The following WDFY2 variants were observed in gnomAD, a reference collection of about 807,000 sequenced individuals.
WDFY2 encodes WD repeat and FYVE domain containing 2, also known as WD repeat and FYVE domain-containing protein 2.
In WDFY2, 36 loss-of-function variants were observed where a neutral mutation model predicts 56.4. That is an observed-to-expected ratio of 0.64 (90% confidence interval 0.49 to 0.84). The LOEUF (loss-of-function observed/expected upper bound fraction) is 0.84, where lower values mean the gene tolerates loss of function less well. Ranked by LOEUF, WDFY2 falls within the 40% of genes least tolerant of loss-of-function variation. The probability of loss-of-function intolerance (pLI) is 0.00; values close to 1 mark genes in which losing one functional copy is unlikely to be tolerated. For missense variants in WDFY2, 444 were observed against 512.2 expected (o/e 0.87, Z 1.29); for synonymous variants, 176 against 183.7 (o/e 0.96, Z 0.34).
chr13:51,646,090 T>C (rs1458389771), intron 1 of WDFY2, among the ~76,000 whole-genome samples: 1 of 152,220 alleles, frequency 6.6e-6, no homozygotes, highest in African/African-American at 2.4e-5. Flanking sequence ...TTCATCCTTT[T>C]TTACTTGGTT....
chr13:51,652,781 G>A (rs1955421327), intron 1 of WDFY2, among the ~76,000 whole-genome samples: 1 of 152,238 alleles, frequency 6.6e-6, no homozygotes, highest in Non-Finnish European at 1.5e-5. Flanking sequence ...TCCGCTGTTA[G>A]TCTGATGGGC....
intron 9 of WDFY2, among the ~76,000 whole-genome samples, chr13:51,755,994 G>A (rs1953368066): frequency 6.6e-6 from 1 of 151,790 alleles, no homozygotes; most frequent in Non-Finnish European, 1.5e-5. Context: ...ATAATCTCCT[G>A]AGACGGCAGT....
intron 3 of WDFY2, among the ~76,000 whole-genome samples, chr13:51,680,932 G>A (rs1002987741): frequency 3.3e-5 from 5 of 152,184 alleles, no homozygotes; most frequent in Non-Finnish European, 5.9e-5. Flanking sequence ...ATTCACTAGT[G>A]AATTAGGAAG....
At chr13:51,729,107 G>A (rs947093365) in intron 6 of WDFY2, among the ~76,000 whole-genome samples, 1 of 152,116 alleles carries the variant, frequency 6.6e-6, no homozygotes, top group Non-Finnish European at 1.5e-5. Context: ...TCAGTTCTGT[G>A]AATGTAAATG....
At chr13:51,703,937 G>C (rs1445139718) in intron 4 of WDFY2, among the ~76,000 whole-genome samples, 1 of 152,168 alleles carries the variant, frequency 6.6e-6, no homozygotes, top group Non-Finnish European at 1.5e-5. Context: ...ACGTACAGCA[G>C]GTTTAGAAAG....
intron 1 of WDFY2, among the ~76,000 whole-genome samples, chr13:51,635,151 C>T (rs1477256053): frequency 6.6e-6 from 1 of 151,920 alleles, no homozygotes; most frequent in Non-Finnish European, 1.5e-5. Context: ...ACCATGTTGG[C>T]GAGGCTGGTC....
intron 1 of WDFY2, among the ~76,000 whole-genome samples, chr13:51,606,949 T>G (rs1954394891): frequency 6.6e-6 from 1 of 152,190 alleles, no homozygotes; most frequent in Non-Finnish European, 1.5e-5. Context: ...CAGTATCCCT[T>G]CAGTACCAGC....
chr13:51,757,795 C>T (rs1371868055), intron 10 of WDFY2, among the ~76,000 whole-genome samples: 1 of 149,972 alleles, frequency 6.7e-6, no homozygotes, highest in Admixed American at 6.7e-5. Flanking sequence ...TAGAATGACA[C>T]TTAGTAATAT....
chr13:51,596,293 T>C (rs1002725692), intron 1 of WDFY2, among the ~76,000 whole-genome samples: 1 of 152,220 alleles, frequency 6.6e-6, no homozygotes, highest in Non-Finnish European at 1.5e-5. Context: ...GCATGCATAG[T>C]TAGCTGAATT....
At chr13:51,627,711 G>C (rs1954864110) in intron 1 of WDFY2, among the ~76,000 whole-genome samples, 1 of 152,094 alleles carries the variant, frequency 6.6e-6, no homozygotes, top group Non-Finnish European at 1.5e-5. Context: ...CCCATGTCCA[G>C]GAAGAATGAG....
intron 2 of WDFY2, among the ~76,000 whole-genome samples, chr13:51,667,918 G>A (rs1955740595): frequency 2.3e-5 from 2 of 88,110 alleles, no homozygotes; most frequent in Non-Finnish European, 3.9e-5. Flanking sequence ...TTGGTATGGA[G>A]TCTTGCTCTG....
At chr13:51,685,434 C>T (rs997402688) in intron 3 of WDFY2, among the ~76,000 whole-genome samples, 1 of 152,122 alleles carries the variant, frequency 6.6e-6, no homozygotes, top group East Asian at 1.9e-4. Context: ...CTACTAATAG[C>T]CTGCTGTTGA....
chr13:51,759,629 G>T, intron 11 of WDFY2, 111 bp from the exon 12 acceptor site: 1 of 883,314 alleles, frequency 1.1e-6, no homozygotes, highest in South Asian at 1.6e-5. Context: ...TGTTAGTATA[G>T]TATGTGGTGG....
chr13:51,704,533 G>A (rs1952045810), intron 4 of WDFY2, among the ~76,000 whole-genome samples: 2 of 152,278 alleles, frequency 1.3e-5, no homozygotes, highest in East Asian at 3.9e-4. Flanking sequence ...TGCTTAGCCT[G>A]TTGGACCTAC....
chr13:51,641,521 G>A (rs1360502815), intron 1 of WDFY2, among the ~76,000 whole-genome samples: 3 of 151,562 alleles, frequency 2.0e-5, no homozygotes, highest in Non-Finnish European at 1.5e-5. Flanking sequence ...AGGTCTGCAT[G>A]CATTCCTATA....
chr13:51,712,740 A>AG (rs1357221175), intron 4 of WDFY2, among the ~76,000 whole-genome samples: 6 of 152,024 alleles, frequency 3.9e-5, no homozygotes, highest in Non-Finnish European at 7.4e-5. Context: ...CAGAGTTAAC[A>AG]GGGAAAAAAA....
chr13:51,642,941 G>A (rs1447726240), intron 1 of WDFY2, among the ~76,000 whole-genome samples: 1 of 152,164 alleles, frequency 6.6e-6, no homozygotes, highest in East Asian at 1.9e-4. Context: ...CTCCCAAAGT[G>A]CTGGGATTAC....
chr13:51,683,805 T>G (rs977929365), intron 3 of WDFY2, among the ~76,000 whole-genome samples: 6 of 152,188 alleles, frequency 3.9e-5, no homozygotes, highest in Non-Finnish European at 8.8e-5. Flanking sequence ...GGAGTGGTAT[T>G]AGGTATGTCC....
At chr13:51,626,634 C>G (rs1165002143) in intron 1 of WDFY2, among the ~76,000 whole-genome samples, 1 of 152,162 alleles carries the variant, frequency 6.6e-6, no homozygotes, top group Non-Finnish European at 1.5e-5. Flanking sequence ...TGAAACACAT[C>G]TAATATAAAT....
Sources: allele counts gnomAD v4.1 joint callset (sites outside exome capture counted in the v4.1 genomes callset), GRCh38; gene constraint gnomAD v4.1.1; transcripts MANE v1.5; gene names NCBI Gene and HGNC (gene_info 2026-07-23, HGNC 2026-07-21).